The following FIP1L1 variants were observed in gnomAD, a reference collection of about 807,000 sequenced individuals.
FIP1L1 encodes pre-mRNA 3'-end-processing factor FIP1.
In FIP1L1, 21 loss-of-function variants were observed where a neutral mutation model predicts 84.6. The observed-to-expected ratio is 0.25, with a 90% CI of 0.18 to 0.36. FIP1L1 has a LOEUF of 0.36. Ranked by LOEUF, FIP1L1 falls within the 10% of genes least tolerant of loss-of-function variation. The probability of loss-of-function intolerance (pLI) is 1.00; values close to 1 mark genes in which losing one functional copy is unlikely to be tolerated. For missense variants in FIP1L1, 526 were observed against 751.1 expected (o/e 0.70, Z 3.50); for synonymous variants, 263 against 242.3 (o/e 1.09, Z -0.80).
At chr4:53,440,837 C>G (rs1456905586) in intron 13 of FIP1L1, 2 of 466,988 alleles carry the variant, frequency 4.3e-6, no homozygotes, top group Admixed American at 3.9e-5. Flanking sequence ...TGAGAAAATT[C>G]TTACCTATTC....
chr4:53,388,689 G>T (rs11133268), intron 5 of FIP1L1, among the ~76,000 whole-genome samples: 93 of 152,084 alleles, frequency 6.1e-4, no homozygotes, highest in African/African-American at 2.2e-3. Context: ...GCCCATTCCC[G>T]TTTTCTTCTA....
chr4:53,398,600 T>C (rs1436455058), intron 9 of FIP1L1, among the ~76,000 whole-genome samples: 2 of 152,144 alleles, frequency 1.3e-5, no homozygotes, highest in African/African-American at 4.8e-5. Context: ...GGAATTTAAA[T>C]AGAATTTAAG....
intron 10 of FIP1L1, among the ~76,000 whole-genome samples, chr4:53,411,758 C>T (rs1244816870): frequency 6.6e-6 from 1 of 152,046 alleles, no homozygotes; most frequent in Non-Finnish European, 1.5e-5. Flanking sequence ...AATAGAAATG[C>T]TGGGTTTCCA....
rs964200351 is a variant in FIP1L1, at chr4:53,433,085, T to C, written c.1174+4902T>C. Among the ~76,000 whole-genome samples the C allele has an allele frequency of 7.8e-4, 119 of 152,226 alleles. 1 individual carries two copies. The highest frequency in any genetic ancestry group is 2.7e-3 in the African/African-American group (113 of 41,472). On this transcript the variant is annotated intron_variant, in intron 13 of 17. Coordinates refer to ENST00000337488, the MANE Select transcript of FIP1L1 (RefSeq NM_030917.4). Reference sequence around the variant, plus strand: ...TTTATTGGAAGAAAAACTGTAAAACTGGAAGTATTAATGTTATAGGGTAGG... The same window carrying C: ...TTTATTGGAAGAAAAACTGTAAAACCGGAAGTATTAATGTTATAGGGTAGG...
At chr4:53,393,058 G>C (rs1275378579) in intron 9 of FIP1L1, among the ~76,000 whole-genome samples, 2 of 152,210 alleles carry the variant, frequency 1.3e-5, no homozygotes, top group Non-Finnish European at 1.5e-5. Context: ...ATAGGGCCAT[G>C]ATGAGCAGGA....
At position 53,383,421 on chromosome 4, in the gene FIP1L1, G is replaced by A. The variant is rs142716571; in HGVS notation, c.229-352G>A. Among the ~76,000 whole-genome samples, 1,207 of 152,282 alleles carry A rather than the reference G, an allele frequency of 7.9e-3. 16 individuals are homozygous for A. The highest frequency in any genetic ancestry group is 0.027 in the African/African-American group (1,140 of 41,554). ...TCACGCCTGTAATTCCAGCACTTTG[G>A]GAGGCCAAGGTGGGTGGATCACCTG... On this transcript the variant is annotated intron_variant, in intron 4 of 17. Transcript: ENST00000337488.
intron 13 of FIP1L1, among the ~76,000 whole-genome samples, chr4:53,437,035 C>CA (rs1769542012): frequency 1.3e-5 from 2 of 151,734 alleles, no homozygotes; most frequent in African/African-American, 4.8e-5. Context: ...ATAAAAAATG[C>CA]AAAAATTAAG....
intron 6 of FIP1L1, 41 bp downstream of exon 6, chr4:53,389,914 G>A (rs749015765): frequency 6.8e-7 from 1 of 1,472,408 alleles, no homozygotes; most frequent in Admixed American, 2.0e-5. Flanking sequence ...GGGAAATAAG[G>A]CACATATCTT....
intron 11 of FIP1L1, among the ~76,000 whole-genome samples, chr4:53,420,076 T>TA (rs1214816330): frequency 6.6e-6 from 1 of 151,522 alleles, no homozygotes; most frequent in African/African-American, 2.4e-5. Flanking sequence ...CGAGCGCCTG[T>TA]AGTCCCAGCT....
chr4:53,392,890 C>A (rs1024417968), intron 9 of FIP1L1, among the ~76,000 whole-genome samples: 5 of 152,080 alleles, frequency 3.3e-5, no homozygotes, highest in Non-Finnish European at 5.9e-5. Flanking sequence ...GATTTTAATT[C>A]GATGGGTACA....
intron 10 of FIP1L1, among the ~76,000 whole-genome samples, chr4:53,401,409 G>A (rs887057064): frequency 1.3e-5 from 2 of 152,162 alleles, no homozygotes; most frequent in Non-Finnish European, 2.9e-5. Flanking sequence ...GGTTTGTAAA[G>A]TTTCGATTTA....
chr4:53,384,878 A>G (rs1475980190), intron 5 of FIP1L1, among the ~76,000 whole-genome samples: 5 of 152,216 alleles, frequency 3.3e-5, no homozygotes, highest in South Asian at 2.1e-4. Flanking sequence ...TCATTAAGCA[A>G]CCTCATCTGG....
In FIP1L1 at chr4:53,377,793, G is replaced by A; in HGVS notation, c.-46G>A. ...GGGCTGCGAGGCTGGGGAAGGGGTT[G>A]GAGGGGGCTGTTGATCGCCGCGTTT... On this transcript the variant is annotated 5_prime_UTR_variant, in exon 1 of 18. It introduces an in-frame stop codon into an upstream open reading frame of the 5' UTR. Coordinates refer to ENST00000337488, the MANE Select transcript of FIP1L1 (RefSeq NM_030917.4). 3 of 1,502,940 alleles carry A rather than the reference G, an allele frequency of 2.0e-6. No homozygotes were observed. The highest frequency in any genetic ancestry group is 1.3e-5 in the South Asian group (1 of 77,794). The allele number at this position is 1,502,940 out of a possible 1,614,324, so 93.1% of individuals were successfully genotyped here.
chr4:53,414,219 TGAA>T (rs1236274642), intron 10 of FIP1L1, among the ~76,000 whole-genome samples: 1 of 152,148 alleles, frequency 6.6e-6, no homozygotes, highest in African/African-American at 2.4e-5. Flanking sequence ...TATCCATTGT[TGAA>T]GAATATAGGG....
chr4:53,385,511 A>G (rs1740493903), intron 5 of FIP1L1, among the ~76,000 whole-genome samples: 1 of 152,130 alleles, frequency 6.6e-6, no homozygotes, highest in African/African-American at 2.4e-5. Flanking sequence ...CTCTTCAAAA[A>G]AACAAGAAAC....
chr4:53,460,834 CAAGAT>C lies in FIP1L1; in HGVS notation c.*1388_*1392del, dbSNP rs1721899608. On this transcript the variant is annotated 3_prime_UTR_variant, in exon 18 of 18. Transcript: ENST00000337488. ...TTCTTTCTTTAAATATAAAAACTGA[CAAGAT>C]AAATATAGTGTTTCAACTTCTTAGC... The C allele has an allele frequency of 6.8e-6, 9 of 1,329,368 alleles. No individual in the cohort carries two copies. Among genetic ancestry groups the C allele is most frequent in the Admixed American group, 2.5e-5 (1 of 40,362 alleles). 82.3% of individuals were successfully genotyped at this position (1,329,368 alleles called of 1,614,324 possible).
At chr4:53,450,546 A>G (rs1336270235) in intron 15 of FIP1L1, among the ~76,000 whole-genome samples, 1 of 152,146 alleles carries the variant, frequency 6.6e-6, no homozygotes, top group African/African-American at 2.4e-5. Flanking sequence ...CTTTATTTGC[A>G]TGGTGGCCTG....
At chr4:53,417,763 A>ACACT (rs1760370703) in intron 11 of FIP1L1, among the ~76,000 whole-genome samples, 7 of 105,240 alleles carry the variant, frequency 6.7e-5, no homozygotes, top group Non-Finnish European at 1.2e-4. Context: ...ACACACACAC[A>ACACT]CTCTCTCTCT....
In FIP1L1 at chr4:53,378,842, A is replaced by T. The variant is rs559162841; in HGVS notation, c.86-231A>T. ...TTGGGCACCATGCAGGTCCTTGATG[A>T]TGTGACTTTGATAAACTTGTAAAAA... is the stretch of plus-strand genomic sequence containing the variant. On this transcript the variant is annotated intron_variant, in intron 1 of 17. Transcript: ENST00000337488. 3.4e-3 allele frequency: 1,832 copies of T among 543,304 alleles called. 27 individuals are homozygous for T. The highest frequency in any genetic ancestry group is 0.033 in the African/African-American group (1,687 of 51,768). 33.7% of individuals were successfully genotyped at this position (543,304 alleles called of 1,614,324 possible). A position where few individuals can be genotyped will look rare whatever the true frequency, so the allele number is the denominator to read the frequency against.
Sources: gnomAD v4.1 joint callset for allele counts (sites outside exome capture counted in the v4.1 genomes callset) on GRCh38, gnomAD v4.1.1 for gene constraint, MANE v1.5 for transcripts, NCBI Gene and HGNC (gene_info 2026-07-23, HGNC 2026-07-21) for gene names.